The following KIAA0319 variants were observed in gnomAD, a reference collection of about 807,000 sequenced individuals.
KIAA0319 encodes KIAA0319.
In KIAA0319, 83 loss-of-function variants were observed where a neutral mutation model predicts 108.4. The ratio of observed to expected loss-of-function variants is 0.77; its 90% CI spans 0.64 to 0.92. The LOEUF is 0.92. KIAA0319 is among the 40% of genes least tolerant of loss of function. The probability of loss-of-function intolerance (pLI) is 0.00; values close to 1 mark genes in which losing one functional copy is unlikely to be tolerated. For synonymous variants in KIAA0319, 484 were observed against 510.4 expected, an observed-to-expected ratio of 0.95 and a Z score of 0.70; for missense variants, 1,195 against 1,322.4, an observed-to-expected ratio of 0.90 and a Z score of 1.49.
At chr6:24,637,184 G>C (rs1207362086) in intron 1 of KIAA0319, among the ~76,000 whole-genome samples, 1 of 152,218 alleles carries the variant, frequency 6.6e-6, no homozygotes, top group African/African-American at 2.4e-5. Context: ...GTGGTCAAAA[G>C]CAAAGGTCAT....
chr6:24,640,745 T>G (rs1206528525), intron 1 of KIAA0319, among the ~76,000 whole-genome samples: 1 of 152,114 alleles, frequency 6.6e-6, no homozygotes, highest in Non-Finnish European at 1.5e-5. Context: ...CTCAACCTCC[T>G]GGGCTCAAAT....
rs750410212 is a variant in KIAA0319, at chr6:24,583,590, G to A, written c.1093+14C>T. 1.9e-6 allele frequency: 3 copies of A among 1,581,824 alleles called. No homozygotes were observed. The highest frequency in any genetic ancestry group is 1.1e-5 in the South Asian group (1 of 90,172). ...CCAGTTCCTAGTGGTCAGGGAGGAA[G>A]GTTAAACTCTCACCTACAGGTGGCG... On this transcript the variant is annotated intron_variant, in intron 5 of 20. Transcript: ENST00000378214.
chr6:24,595,416 G>A (rs2127520278), intron 3 of KIAA0319, among the ~76,000 whole-genome samples: 1 of 152,038 alleles, frequency 6.6e-6, no homozygotes. Flanking sequence ...GCATGGTGAT[G>A]GGCGCCTATA....
downstream of KIAA0319, among the ~76,000 whole-genome samples, chr6:24,542,759 C>T (rs746097255): frequency 1.3e-5 from 2 of 152,234 alleles, no homozygotes; most frequent in African/African-American, 2.4e-5. Context: ...AACTAGATGT[C>T]ACACACATGT....
At chr6:24,596,945 T>TTCTATCCA (rs35845074) in intron 2 of KIAA0319, among the ~76,000 whole-genome samples, 1 of 151,428 alleles carries the variant, frequency 6.6e-6, no homozygotes, top group Non-Finnish European at 1.5e-5. Flanking sequence ...CCTTCTACTT[T>TTCTATCCA]TCCATCCATC....
chr6:24,543,154 G>A (rs1760270318), downstream of KIAA0319, among the ~76,000 whole-genome samples: 1 of 152,172 alleles, frequency 6.6e-6, no homozygotes. Flanking sequence ...GTTGCTAATG[G>A]AGTGAGTTAA....
At chr6:24,567,796 A>T (rs1001883117) in intron 13 of KIAA0319, among the ~76,000 whole-genome samples, 3 of 152,218 alleles carry the variant, frequency 2.0e-5, no homozygotes, top group African/African-American at 7.2e-5. Context: ...ACACTGGGGT[A>T]CAGTGGGGAG....
At chr6:24,541,599 A>G (rs1760195469), downstream of KIAA0319, among the ~76,000 whole-genome samples, 1 of 152,192 alleles carries the variant, frequency 6.6e-6, no homozygotes, top group South Asian at 2.1e-4. Flanking sequence ...GCAGTTTGAG[A>G]CCGGCCTGGC....
chr6:24,582,633 C>T (rs1423572074), intron 5 of KIAA0319, among the ~76,000 whole-genome samples: 5 of 144,304 alleles, frequency 3.5e-5, no homozygotes, highest in South Asian at 2.2e-4. Context: ...ATACGTCTTA[C>T]AGGAAATTTT....
chr6:24,574,938 G>A (rs752985041), intron 10 of KIAA0319, among the ~76,000 whole-genome samples: 2 of 152,220 alleles, frequency 1.3e-5, no homozygotes, highest in Non-Finnish European at 2.9e-5. Flanking sequence ...CACAATGGAA[G>A]GGAATGTTGT....
chr6:24,563,579 G>A, intron 15 of KIAA0319, 61 bp from the exon 16 acceptor site: 1 of 1,490,910 alleles, frequency 6.7e-7, no homozygotes. Context: ...TAGAGCATAA[G>A]GAGCGAGGTT....
chr6:24,589,192 G>A (rs568470766), intron 3 of KIAA0319, among the ~76,000 whole-genome samples: 1 of 152,322 alleles, frequency 6.6e-6, no homozygotes, highest in East Asian at 1.9e-4. Flanking sequence ...ATTAGGTTAT[G>A]AGGGTAAAGC....
At chr6:24,564,466 A>AG (rs139338511) in intron 14 of KIAA0319, 126 bp from the exon 15 acceptor site, 28,985 of 1,195,174 alleles carry the variant, frequency 0.024, 1,224 homozygotes, top group African/African-American at 0.17. Context: ...GGGAGGCTGC[A>AG]GGGAATGAGG....
chr6:24,598,332 C>G, intron 2 of KIAA0319: 1 of 674,930 alleles, frequency 1.5e-6, no homozygotes, highest in East Asian at 2.9e-5. Context: ...CCATCAACAA[C>G]AAGTTTACCT....
At chr6:24,611,967 C>T (rs550412648) in intron 1 of KIAA0319, among the ~76,000 whole-genome samples, 1 of 151,520 alleles carries the variant, frequency 6.6e-6, no homozygotes, top group Non-Finnish European at 1.5e-5. Flanking sequence ...AAGAGGATCA[C>T]TTGAGCCCAG....
intron 1 of KIAA0319, among the ~76,000 whole-genome samples, chr6:24,605,303 C>T (rs1338635959): frequency 6.6e-6 from 1 of 152,152 alleles, no homozygotes; most frequent in Non-Finnish European, 1.5e-5. Context: ...AGTCTTTATA[C>T]TCAAGACCTC....
At chr6:24,625,985 A>G (rs553786191) in intron 1 of KIAA0319, among the ~76,000 whole-genome samples, 31 of 152,348 alleles carry the variant, frequency 2.0e-4, no homozygotes, top group African/African-American at 6.7e-4. Context: ...TCATGGTATT[A>G]TATATCTATC....
chr6:24,618,820 C>T (rs1037378782), intron 1 of KIAA0319, among the ~76,000 whole-genome samples: 1 of 151,734 alleles, frequency 6.6e-6, no homozygotes, highest in African/African-American at 2.4e-5. Context: ...AAAAAAGATC[C>T]TGGCAGATTT....
chr6:24,568,077 A>C (rs545125664), intron 13 of KIAA0319, among the ~76,000 whole-genome samples: 5 of 152,314 alleles, frequency 3.3e-5, no homozygotes, highest in African/African-American at 1.2e-4. Flanking sequence ...CAAACCCCTA[A>C]GCATGGCCCG....
Sources: allele counts gnomAD v4.1 joint callset (sites outside exome capture counted in the v4.1 genomes callset), GRCh38; gene constraint gnomAD v4.1.1; transcripts MANE v1.5; gene names NCBI Gene and HGNC (gene_info 2026-07-23, HGNC 2026-07-21).